The following CDH18 variants were observed in gnomAD, a reference collection of about 807,000 sequenced individuals.
The protein encoded by CDH18 is cadherin-18.
In CDH18, 31 loss-of-function variants were observed where a neutral mutation model predicts 67.9. The observed-to-expected ratio is 0.46, with a 90% CI of 0.34 to 0.62. The LOEUF (loss-of-function observed/expected upper bound fraction) is 0.62, where lower values mean the gene tolerates loss of function less well. Ranked by LOEUF, CDH18 falls within the 20% of genes least tolerant of loss-of-function variation. The pLI, the probability that CDH18 is intolerant of heterozygous loss-of-function variation, is 0.01. For missense variants in CDH18, 890 were observed against 975.5 expected, an observed-to-expected ratio of 0.91 and a Z score of 1.17; for synonymous variants, 362 against 347.2, an observed-to-expected ratio of 1.04 and a Z score of -0.48.
intron 2 of CDH18, among the ~76,000 whole-genome samples, chr5:19,995,502 A>C (rs2150393511): frequency 6.6e-6 from 1 of 151,992 alleles, no homozygotes; most frequent in Admixed American, 6.6e-5. Flanking sequence ...CACTCATATT[A>C]AATATAGAGT....
chr5:19,764,187 A>G (rs552507267), intron 3 of CDH18, among the ~76,000 whole-genome samples: 1 of 151,616 alleles, frequency 6.6e-6, no homozygotes, highest in East Asian at 1.9e-4. Flanking sequence ...AAAAAAAAAA[A>G]AAAATACAGT....
chr5:19,888,259 C>G (rs1299615262), intron 2 of CDH18, among the ~76,000 whole-genome samples: 1 of 152,116 alleles, frequency 6.6e-6, no homozygotes, highest in African/African-American at 2.4e-5. Flanking sequence ...CACACACCGA[C>G]AGTTTATTTT....
chr5:19,824,852 G>A (rs1483638904), intron 3 of CDH18, among the ~76,000 whole-genome samples: 6 of 152,148 alleles, frequency 3.9e-5, no homozygotes. Context: ...CTGGCCCAGT[G>A]TCCTTGCATC....
chr5:19,908,033 C>T (rs745435587), intron 2 of CDH18, among the ~76,000 whole-genome samples: 5 of 151,054 alleles, frequency 3.3e-5, no homozygotes, highest in Admixed American at 1.3e-4. Context: ...TTCTCAATGA[C>T]GTTTCCTAGC....
chr5:20,285,351 G>A (rs911310996), intron 1 of CDH18, among the ~76,000 whole-genome samples: 25 of 148,234 alleles, frequency 1.7e-4, no homozygotes, highest in African/African-American at 6.2e-4. Context: ...CTGAGATAGG[G>A]CCATATAATC....
intron 7 of CDH18, among the ~76,000 whole-genome samples, chr5:19,573,681 A>G (rs888918314): frequency 1.3e-5 from 2 of 152,186 alleles, no homozygotes; most frequent in Admixed American, 1.3e-4. Flanking sequence ...TGACTAATTT[A>G]TCAATAAGCC....
intron 2 of CDH18, among the ~76,000 whole-genome samples, chr5:20,249,564 A>T (rs1743659749): frequency 6.6e-6 from 1 of 151,898 alleles, no homozygotes; most frequent in Non-Finnish European, 1.5e-5. Context: ...TTGTATTTTT[A>T]GTAGAGACAG....
At chr5:19,770,725 C>T (rs1773641089) in intron 3 of CDH18, among the ~76,000 whole-genome samples, 1 of 152,162 alleles carries the variant, frequency 6.6e-6, no homozygotes, top group African/African-American at 2.4e-5. Context: ...CAAGGAACTT[C>T]TAATATTTCT....
intron 2 of CDH18, among the ~76,000 whole-genome samples, chr5:20,107,387 T>C (rs1747054510): frequency 6.6e-6 from 1 of 152,200 alleles, no homozygotes; most frequent in Non-Finnish European, 1.5e-5. Flanking sequence ...CTCTTATAAC[T>C]TTCCTGAACA....
At chr5:20,393,960 A>G (rs1745080154) in intron 1 of CDH18, among the ~76,000 whole-genome samples, 2 of 152,066 alleles carry the variant, frequency 1.3e-5, no homozygotes, top group South Asian at 4.1e-4. Context: ...TCATAATTCA[A>G]TATCATGACA....
At chr5:20,349,054 T>TA (rs1740943247) in intron 1 of CDH18, among the ~76,000 whole-genome samples, 1 of 152,212 alleles carries the variant, frequency 6.6e-6, no homozygotes, top group Non-Finnish European at 1.5e-5. Context: ...AGTCACCTAT[T>TA]ATGCAATTAT....
At chr5:19,877,047 C>A (rs771719283) in intron 2 of CDH18, among the ~76,000 whole-genome samples, 3 of 152,074 alleles carry the variant, frequency 2.0e-5, no homozygotes, top group African/African-American at 7.2e-5. Flanking sequence ...AAGAATGAAT[C>A]CCCCAATGAC....
At chr5:19,728,988 A>T (rs1767234400) in intron 4 of CDH18, among the ~76,000 whole-genome samples, 1 of 152,152 alleles carries the variant, frequency 6.6e-6, no homozygotes. Flanking sequence ...TTGAGTATTA[A>T]CTCAAGTCAC....
intron 5 of CDH18, among the ~76,000 whole-genome samples, chr5:19,613,270 T>C (rs1001918763): frequency 6.6e-6 from 1 of 152,312 alleles, no homozygotes; most frequent in Middle Eastern, 3.4e-3. Context: ...GGTGGTCATA[T>C]TGATTTAAGC....
intron 2 of CDH18, among the ~76,000 whole-genome samples, chr5:19,914,591 T>A (rs1359568114): frequency 6.6e-6 from 1 of 152,130 alleles, no homozygotes; most frequent in Non-Finnish European, 1.5e-5. Flanking sequence ...TATGTATATA[T>A]CCACACACTA....
intron 1 of CDH18, among the ~76,000 whole-genome samples, chr5:20,535,802 A>T (rs1312093790): frequency 6.6e-6 from 1 of 152,268 alleles, no homozygotes; most frequent in Non-Finnish European, 1.5e-5. Flanking sequence ...TCACAGCACC[A>T]AAGTGAATAT....
At chr5:20,331,333 C>T (rs892506422) in intron 1 of CDH18, 2 of 152,118 alleles carry the variant, frequency 1.3e-5, no homozygotes, top group African/African-American at 4.8e-5. Flanking sequence ...ACCCTTCATT[C>T]CTTTCTTCTT....
Position 19,543,943 on chromosome 5 carries a change from G to A in CDH18, c.1316C>T (p.Thr439Ile), listed in dbSNP as rs1735859883. The A allele has an allele frequency of 1.9e-6, 3 of 1,595,498 alleles. No individual in the cohort carries two copies. The highest frequency in any genetic ancestry group is 1.7e-5 in the Admixed American group (1 of 59,814). ...RFFNIDANTG[T>I]IRTTKVLDRE... ...GTCGAGAACCTTTGTAGTCCTAATG[G>A]TCCCAGTATTGGCATCAATGTTGAA... is the stretch of plus-strand genomic sequence containing the variant. Residue 439 changes from threonine to isoleucine, a missense_variant, in exon 9 of 13, where the codon ACC becomes ATC. Physicochemically the swap from Thr to Ile is moderately conservative, Grantham distance 89. Transcript: ENST00000382275.
rs1220786319 is a variant in CDH18, at chr5:19,472,900, AT to A, written c.*325del. The A allele has an allele frequency of 5.1e-6, 1 of 197,772 alleles. No homozygotes were observed. Among genetic ancestry groups the A allele is most frequent in the Non-Finnish European group, 1.0e-5 (1 of 95,760 alleles). 12.3% of individuals were successfully genotyped at this position (197,772 alleles called of 1,614,324 possible). ...CTGTTTAGTTTTGCTTTTGAAAAAA[AT>A]AAATCACAATATATTGAAACAAATA... On this transcript the variant is annotated 3_prime_UTR_variant, in exon 13 of 13. Coordinates refer to ENST00000382275, the MANE Select transcript of CDH18 (RefSeq NM_004934.5).
Sources: gnomAD v4.1 joint callset for allele counts (sites outside exome capture counted in the v4.1 genomes callset) on GRCh38, gnomAD v4.1.1 for gene constraint, MANE v1.5 for transcripts, NCBI Gene and HGNC (gene_info 2026-07-23, HGNC 2026-07-21) for gene names.